The following CCSER2 variants were observed in gnomAD, a reference collection of about 807,000 sequenced individuals.
The protein encoded by CCSER2 is serine-rich coiled-coil domain-containing protein 2.
In CCSER2, 46 loss-of-function variants were observed where a neutral mutation model predicts 92.3. That is an observed-to-expected ratio of 0.50 (90% CI 0.39 to 0.64). The LOEUF (loss-of-function observed/expected upper bound fraction) is 0.64, where lower values mean the gene tolerates loss of function less well. Among genes scored for constraint, CCSER2 ranks in the 30% least tolerant of loss-of-function variants. The pLI is 0.00. For missense variants in CCSER2, 1,244 were observed against 1,238.9 expected (o/e 1.00, Z -0.06); for synonymous variants, 433 against 431.4 (o/e 1.00, Z -0.04).
intron 9 of CCSER2, among the ~76,000 whole-genome samples, chr10:84,479,197 A>G (rs1184250021): frequency 6.6e-6 from 1 of 152,204 alleles, no homozygotes; most frequent in Non-Finnish European, 1.5e-5. Flanking sequence ...AGTAACTATA[A>G]AAGTTACTAT....
chr10:84,491,152 T>TG (rs1285195579), intron 9 of CCSER2, among the ~76,000 whole-genome samples: 3 of 152,134 alleles, frequency 2.0e-5, no homozygotes, highest in African/African-American at 7.2e-5. Flanking sequence ...CTGCCCCTAC[T>TG]GGGGGGTGCC....
At chr10:84,455,906 T>C (rs922975022) in intron 6 of CCSER2, 2 of 692,224 alleles carry the variant, frequency 2.9e-6, no homozygotes, top group African/African-American at 3.5e-5. Context: ...TTCTGCTTTC[T>C]TCTATGATTT....
At chr10:84,500,266 A>C (rs1219544012) in intron 9 of CCSER2, among the ~76,000 whole-genome samples, 1 of 152,222 alleles carries the variant, frequency 6.6e-6, no homozygotes, top group African/African-American at 2.4e-5. Flanking sequence ...AAAACCTTGA[A>C]ATATGTGAAT....
At chr10:84,460,662 G>A (rs1220376153) in intron 6 of CCSER2, among the ~76,000 whole-genome samples, 3 of 151,218 alleles carry the variant, frequency 2.0e-5, no homozygotes, top group Non-Finnish European at 2.9e-5. Context: ...GTAGTCATAT[G>A]TTTACACAGC....
chr10:84,396,876 T>G (rs1453708889), intron 3 of CCSER2, among the ~76,000 whole-genome samples: 1 of 152,192 alleles, frequency 6.6e-6, no homozygotes, highest in Admixed American at 6.6e-5. Context: ...GTATACTACT[T>G]ATTTTGTAGA....
intron 1 of CCSER2, among the ~76,000 whole-genome samples, chr10:84,353,436 T>C (rs535735484): frequency 6.6e-6 from 1 of 152,338 alleles, no homozygotes; most frequent in Middle Eastern, 3.4e-3. Context: ...CTATTGAGTA[T>C]ATGTTGTAGA....
intron 9 of CCSER2, among the ~76,000 whole-genome samples, chr10:84,491,964 G>T (rs1848196139): frequency 6.6e-6 from 1 of 152,126 alleles, no homozygotes; most frequent in South Asian, 2.1e-4. Context: ...TCCCTGTGCT[G>T]ATTGCTGATA....
chr10:84,445,080 GA>G (rs1844826748), intron 6 of CCSER2, among the ~76,000 whole-genome samples: 1 of 152,138 alleles, frequency 6.6e-6, no homozygotes, highest in African/African-American at 2.4e-5. Flanking sequence ...TAGAAATTTT[GA>G]ATAAGAATTT....
intron 5 of CCSER2, among the ~76,000 whole-genome samples, chr10:84,433,210 A>C (rs778465628): frequency 9.2e-5 from 14 of 152,264 alleles, no homozygotes; most frequent in Non-Finnish European, 1.8e-4. Flanking sequence ...TGCCTGTTCT[A>C]ATAAAGAATT....
Position 84,480,854 on chromosome 10 carries a change from A to T in CCSER2, c.2325+3190A>T, listed in dbSNP as rs530824377. Among the ~76,000 whole-genome samples the T allele has an allele frequency of 2.6e-5, 4 of 152,296 alleles. No homozygotes were observed. The East Asian group carries it at 7.7e-4, about 29-fold the overall frequency. On this transcript the variant is annotated intron_variant, in intron 9 of 9. Transcript: ENST00000372088. ...TGTTGTATATGTGGCATTTTAACCTACGTAGGTAGTGGTGATGGTGGTTGC... is the reference window on the plus strand; with the variant it reads ...TGTTGTATATGTGGCATTTTAACCTTCGTAGGTAGTGGTGATGGTGGTTGC...
intron 7 of CCSER2, among the ~76,000 whole-genome samples, chr10:84,465,622 G>A (rs775121939): frequency 1.9e-4 from 29 of 151,724 alleles, no homozygotes; most frequent in Admixed American, 3.3e-4. Context: ...CATCGCACCC[G>A]GACAAGAAAT....
intron 5 of CCSER2, among the ~76,000 whole-genome samples, chr10:84,437,343 AC>A (rs777641142): frequency 6.6e-6 from 1 of 151,868 alleles, no homozygotes; most frequent in Non-Finnish European, 1.5e-5. Flanking sequence ...ACATGGTGAA[AC>A]CCCCTCTCTA....
chr10:84,483,314 A>G (rs932851962), intron 9 of CCSER2, among the ~76,000 whole-genome samples: 4 of 151,416 alleles, frequency 2.6e-5, no homozygotes, highest in Admixed American at 2.0e-4. Context: ...AATCACTTGA[A>G]CCTGGGAGGT....
At chr10:84,472,376 C>T (rs1373719049) in intron 8 of CCSER2, among the ~76,000 whole-genome samples, 2 of 152,060 alleles carry the variant, frequency 1.3e-5, no homozygotes, top group South Asian at 2.1e-4. Flanking sequence ...CGAGACCAGC[C>T]TGGCCAACAT....
At chr10:84,429,702 T>C (rs946555951) in intron 5 of CCSER2, among the ~76,000 whole-genome samples, 2 of 151,760 alleles carry the variant, frequency 1.3e-5, no homozygotes, top group Non-Finnish European at 2.9e-5. Flanking sequence ...TCTTTTAGTT[T>C]ATCATATCTG....
At chr10:84,383,046 C>G (rs1840999875) in intron 3 of CCSER2, among the ~76,000 whole-genome samples, 1 of 152,104 alleles carries the variant, frequency 6.6e-6, no homozygotes, top group Non-Finnish European at 1.5e-5. Context: ...TGCTGAATGT[C>G]ATAATATTCT....
intron 6 of CCSER2, among the ~76,000 whole-genome samples, chr10:84,463,654 A>C (rs2133669710): frequency 6.6e-6 from 1 of 152,302 alleles, no homozygotes; most frequent in East Asian, 1.9e-4. Context: ...ATTTCTCATA[A>C]TGCTTAATGG....
chr10:84,466,151 G>C (rs12782180), intron 7 of CCSER2, among the ~76,000 whole-genome samples: 31,915 of 152,126 alleles, frequency 0.21, 3,608 homozygotes, highest in Admixed American at 0.34. Context: ...GGTCATACTT[G>C]TCTTTTCTTC....
intron 5 of CCSER2, among the ~76,000 whole-genome samples, chr10:84,435,317 C>G (rs1844040231): frequency 6.6e-6 from 1 of 152,144 alleles, no homozygotes; most frequent in African/African-American, 2.4e-5. Context: ...GTGAACAAGA[C>G]TTGTTGACTC....
Sources: allele counts gnomAD v4.1 joint callset (sites outside exome capture counted in the v4.1 genomes callset), GRCh38; gene constraint gnomAD v4.1.1; transcripts MANE v1.5; gene names NCBI Gene and HGNC (gene_info 2026-07-23, HGNC 2026-07-21).